The following PKD1L3 variants were observed in gnomAD, a reference collection of about 807,000 sequenced individuals.
PKD1L3 encodes the protein polycystin 1 like 3, transient receptor potential channel interacting.
A neutral mutation model predicts 184.1 loss-of-function variants in PKD1L3; 239 were observed. The ratio of observed to expected loss-of-function variants is 1.30; its 90% CI spans 1.17 to 1.45. PKD1L3 has a LOEUF of 1.45. Ranked by LOEUF, PKD1L3 falls within the 40% of genes most tolerant of loss-of-function variation. The probability of loss-of-function intolerance (pLI) is 0.00; values close to 1 mark genes in which losing one functional copy is unlikely to be tolerated. For synonymous variants in PKD1L3, 996 were observed against 778.8 expected, an observed-to-expected ratio of 1.28 and a Z score of -4.64; for missense variants, 2,660 against 2,067.2, an observed-to-expected ratio of 1.29 and a Z score of -5.56.
At chr16:71,937,702 A>G (rs2038227950) in intron 24 of PKD1L3, among the ~76,000 whole-genome samples, 1 of 152,124 alleles carries the variant, frequency 6.6e-6, no homozygotes, top group African/African-American at 2.4e-5. Context: ...GTTATTATAG[A>G]TGTTACCCTA....
intron 16 of PKD1L3, among the ~76,000 whole-genome samples, chr16:71,956,583 A>T (rs1356683319): frequency 2.0e-5 from 3 of 152,190 alleles, no homozygotes; most frequent in Admixed American, 2.0e-4. Context: ...CCGACAGACA[A>T]ATACTGTATG....
At chr16:71,952,507 CCG>C (rs2038878657) in intron 18 of PKD1L3, among the ~76,000 whole-genome samples, 2 of 148,000 alleles carry the variant, frequency 1.4e-5, no homozygotes, top group Non-Finnish European at 3.0e-5. Flanking sequence ...GCGTGAGCCA[CCG>C]TGCCCAGCTG....
chr16:71,982,335 G>C lies in PKD1L3; in HGVS notation c.967-100C>G, dbSNP rs931949465. On this transcript the variant is annotated intron_variant, in intron 6 of 29. Transcript: ENST00000620267. The stretch of plus-strand genomic sequence containing the variant: ...AGTTTCACTCTTGTTGCCCAGGCTA[G>C]AGTGCAATGGCGTGATATCGACTCA... 3 of 1,054,944 alleles carry C rather than the reference G, an allele frequency of 2.8e-6. No individual in the cohort carries two copies. In the African/African-American group the frequency reaches 5.3e-5, roughly 19 times the overall value. The allele number at this position is 1,054,944 out of a possible 1,614,324, so 65.3% of individuals were successfully genotyped here. A position where few individuals can be genotyped will look rare whatever the true frequency, so the allele number is the denominator to read the frequency against.
At chr16:71,959,929 G>A (rs184281587) in intron 16 of PKD1L3, among the ~76,000 whole-genome samples, 2 of 151,998 alleles carry the variant, frequency 1.3e-5, no homozygotes, top group East Asian at 3.9e-4. Flanking sequence ...AACTAGCTTG[G>A]GCAACATGGT....
At chr16:71,997,209 A>T (rs958506759) in intron 2 of PKD1L3, among the ~76,000 whole-genome samples, 1 of 152,054 alleles carries the variant, frequency 6.6e-6, no homozygotes, top group Admixed American at 6.5e-5. Flanking sequence ...ATCCATATAC[A>T]TAGTTTTACG....
chr16:71,959,231 G>C (rs2039175511), intron 16 of PKD1L3, among the ~76,000 whole-genome samples: 2 of 152,046 alleles, frequency 1.3e-5, no homozygotes, highest in African/African-American at 4.8e-5. Flanking sequence ...GACCAACATG[G>C]AGAAACCTGT....
chr16:71,944,366 C>T (rs1437573910), intron 22 of PKD1L3, among the ~76,000 whole-genome samples, 196 bp from the exon 23 acceptor site: 1 of 152,122 alleles, frequency 6.6e-6, no homozygotes, highest in East Asian at 1.9e-4. Flanking sequence ...GGGACTGATA[C>T]TTTTGTACAA....
In PKD1L3 at chr16:71,986,330, G is replaced by T; in HGVS notation, c.725C>A (p.Thr242Lys). ...ITQLTMPVSVTHAGQSLAETT... is the reference protein window; with the variant it reads ...ITQLTMPVSVKHAGQSLAETT... ...TTCTGCCAGAGATTGCCCAGCATGC[G>T]TGACAGACACGGGCATGGTGAGCTG... Residue 242 changes from threonine (T) to lysine (K), a missense_variant, in exon 5 of 30, where the codon ACG becomes AAG. Transcript: ENST00000620267. 6.4e-7 allele frequency: 1 copy of T among 1,552,078 alleles called. No homozygotes were observed. The highest frequency in any genetic ancestry group is 8.7e-7 in the Non-Finnish European group (1 of 1,147,078).
At chr16:71,958,057 A>G (rs1462484288) in intron 16 of PKD1L3, among the ~76,000 whole-genome samples, 1 of 152,134 alleles carries the variant, frequency 6.6e-6, no homozygotes, top group Non-Finnish European at 1.5e-5. Context: ...AAAAATTTCT[A>G]TCCACTTAAA....
chr16:71,964,560 C>G (rs925298934), intron 15 of PKD1L3, among the ~76,000 whole-genome samples: 1 of 151,500 alleles, frequency 6.6e-6, no homozygotes, highest in Admixed American at 6.6e-5. Flanking sequence ...AGGATGGTCT[C>G]GATCTCCTGA....
Position 71,967,985 on chromosome 16 carries a change from T to A in PKD1L3, c.2207A>T (p.Asp736Val). The A allele has an allele frequency of 1.3e-6, 2 of 1,551,542 alleles. No individual in the cohort carries two copies. The highest frequency in any genetic ancestry group is 1.7e-6 in the Non-Finnish European group (2 of 1,146,864). The stretch of plus-strand genomic sequence containing the variant: ...GTGAAATTGAGCGCTGGGGTCATTA[T>A]CAGCCAGGACAGTGACCTTCACCTG... ...MQKVKVTVLA[D>V]NDPSAQFHYL... The change falls in exon 14 of 30, where the codon GAT becomes GTT. Residue 736 changes from aspartate to valine, a missense_variant. Transcript: ENST00000620267.
chr16:71,979,946 TG>T (rs755521068), intron 8 of PKD1L3, 34 bp from the exon 9 acceptor site: 30 of 1,549,940 alleles, frequency 1.9e-5, no homozygotes, highest in Non-Finnish European at 2.3e-5. Context: ...AGTCAATTTT[TG>T]TGTGTCCTCT....
chr16:71,977,198 A>C lies in PKD1L3; in HGVS notation c.1759+38T>G. On this transcript the variant is annotated intron_variant, in intron 11 of 29. Coordinates refer to ENST00000620267, the MANE Select transcript of PKD1L3 (RefSeq NM_181536.2). Reference sequence around the variant, plus strand: ...ACTGCACTACATCCTAGGCAAAAAGAAATCAAAGTAAGTTTCTGACAGCTG... The same window carrying C: ...ACTGCACTACATCCTAGGCAAAAAGCAATCAAAGTAAGTTTCTGACAGCTG... 3 of 1,428,264 alleles carry C rather than the reference A, an allele frequency of 2.1e-6. No individual in the cohort carries two copies. In the South Asian group the frequency reaches 3.7e-5, roughly 18 times the overall value. The allele number at this position is 1,428,264 out of a possible 1,614,324, so 88.5% of individuals were successfully genotyped here. A position where few individuals can be genotyped will look rare whatever the true frequency, so the allele number is the denominator to read the frequency against.
intron 14 of PKD1L3, 124 bp downstream of exon 14, chr16:71,967,782 A>G: frequency 2.4e-6 from 2 of 823,474 alleles, no homozygotes; most frequent in East Asian, 5.5e-5. Context: ...ACAGTTTAGA[A>G]CTAGAAAATA....
intron 28 of PKD1L3, among the ~76,000 whole-genome samples, chr16:71,931,541 T>G (rs1272293279): frequency 1.4e-5 from 2 of 144,884 alleles, no homozygotes; most frequent in Admixed American, 1.4e-4. Context: ...CTTGGCTCAC[T>G]GCAACCTCCA....
In PKD1L3 at chr16:71,936,519, C is replaced by A. The variant is rs111287060; in HGVS notation, c.4452+773G>T. 2.8e-3 allele frequency among the ~76,000 whole-genome samples: 341 copies of A among 123,528 alleles called. 2 individuals carry two copies. The highest frequency in any genetic ancestry group is 0.01 in the African/African-American group (336 of 32,298). 81.0% of individuals were successfully genotyped at this position (123,528 alleles called of 152,430 possible). ...TGCCTGGCCAATCACTTTTTTTTTTCTTTTTTTTTTTTTTTTTGAGATGCA... is the reference window on the plus strand; with the variant it reads ...TGCCTGGCCAATCACTTTTTTTTTTATTTTTTTTTTTTTTTTTGAGATGCA... On this transcript the variant is annotated intron_variant, in intron 25 of 29. Coordinates refer to ENST00000620267, the MANE Select transcript of PKD1L3 (RefSeq NM_181536.2).
At position 71,999,713 on chromosome 16, in the gene PKD1L3, A is replaced by C. The variant is rs1433938011; in HGVS notation, c.266T>G (p.Leu89Trp). 2 of 1,549,038 alleles carry C rather than the reference A, an allele frequency of 1.3e-6. No individual in the cohort carries two copies. Among genetic ancestry groups the C allele is most frequent in the Admixed American group, 3.9e-5 (2 of 50,770 alleles). ...GTATTTGTTGTCTTGATGCTTTTTCAATGGCATTACATTTTGCCCAATCCA... is the reference window on the plus strand; with the variant it reads ...GTATTTGTTGTCTTGATGCTTTTTCCATGGCATTACATTTTGCCCAATCCA... ...KWWIGQNVMPLKKHQDNKYPA... is the reference protein window; with the variant it reads ...KWWIGQNVMPWKKHQDNKYPA... Residue 89 changes from leucine (L) to tryptophan (W), a missense_variant, in exon 1 of 30, where the codon TTG becomes TGG. Coordinates refer to ENST00000620267, the MANE Select transcript of PKD1L3 (RefSeq NM_181536.2).
chr16:71,965,524 C>T (rs954593197), intron 15 of PKD1L3, among the ~76,000 whole-genome samples: 2 of 98,062 alleles, frequency 2.0e-5, no homozygotes, highest in Admixed American at 1.0e-4. Context: ...TCAGTTGCTC[C>T]CCATCCTCCC....
intron 12 of PKD1L3, among the ~76,000 whole-genome samples, chr16:71,972,857 T>C (rs1314347946): frequency 1.3e-5 from 2 of 152,102 alleles, no homozygotes; most frequent in Admixed American, 6.6e-5. Context: ...AATATAATAG[T>C]GCTGGTTTAA....
Sources: allele counts gnomAD v4.1 joint callset (sites outside exome capture counted in the v4.1 genomes callset), GRCh38; gene constraint gnomAD v4.1.1; transcripts MANE v1.5; gene names NCBI Gene and HGNC (gene_info 2026-07-23, HGNC 2026-07-21).